Variants in NKX6-3 observed in about 807,000 individuals in gnomAD.
NKX6-3 encodes NK6 homeobox 3.
In NKX6-3, 17 loss-of-function variants were observed where a neutral mutation model predicts 22.0. That is an observed-to-expected ratio of 0.77 (90% CI 0.53 to 1.16). The LOEUF (loss-of-function observed/expected upper bound fraction) is 1.16. Among genes scored for constraint, NKX6-3 ranks in the 50% most tolerant of loss-of-function variants. The pLI is 0.00. For missense variants in NKX6-3, 363 were observed against 359.0 expected (o/e 1.01, Z -0.09); for synonymous variants, 177 against 167.2 (o/e 1.06, Z -0.45).
At chr8:41,649,155 C>A (rs1040009815) in intron 1 of NKX6-3, among the ~76,000 whole-genome samples, 10 of 152,134 alleles carry the variant, frequency 6.6e-5, no homozygotes, top group African/African-American at 2.2e-4. Flanking sequence ...GAGGCCTTCA[C>A]CCCCAGGGGC....
intron 2 of NKX6-3, 97 bp from the exon 3 acceptor site, chr8:41,646,791 A>C: frequency 6.9e-7 from 1 of 1,444,286 alleles, no homozygotes; most frequent in Non-Finnish European, 9.2e-7. Context: ...TGGCTCAACA[A>C]CGGAGTGACT....
At position 41,646,264 on chromosome 8, in the gene NKX6-3, TTCC is replaced by T; in HGVS notation, c.*182_*184del. The T allele has an allele frequency of 2.6e-6, 2 of 768,256 alleles. No homozygotes were observed. The highest frequency in any genetic ancestry group is 1.9e-5 in the South Asian group (1 of 53,990). 47.6% of individuals were successfully genotyped at this position (768,256 alleles called of 1,614,324 possible). ...GGATGCCTGTCCCCTTTCCCTCCTT[TTCC>T]TCCTCCTCCCCCGCCTCCCCTCCTC... On this transcript the variant is annotated 3_prime_UTR_variant, in exon 3 of 3. Transcript: ENST00000518699.
In NKX6-3 at chr8:41,646,356, G is replaced by T. The variant is rs1804199397; in HGVS notation, c.*93C>A. On this transcript the variant is annotated 3_prime_UTR_variant, in exon 3 of 3. Coordinates refer to ENST00000518699, the MANE Select transcript of NKX6-3 (RefSeq NM_001364841.2). Reference sequence around the variant, plus strand: ...ATCCAAAGAAAGACTCAGTCCCTGCGCCCCCAGGAGCGTGGGGAAGGGGAG... The same window carrying T: ...ATCCAAAGAAAGACTCAGTCCCTGCTCCCCCAGGAGCGTGGGGAAGGGGAG... 6.9e-7 allele frequency: 1 copy of T among 1,451,186 alleles called. No individual in the cohort carries two copies. The highest frequency in any genetic ancestry group is 9.2e-7 in the Non-Finnish European group (1 of 1,082,542). 89.9% of individuals were successfully genotyped at this position (1,451,186 alleles called of 1,614,324 possible).
Position 41,646,201 on chromosome 8 carries a change from T to G in NKX6-3, c.*248A>C. On this transcript the variant is annotated 3_prime_UTR_variant, in exon 3 of 3. Coordinates refer to ENST00000518699, the MANE Select transcript of NKX6-3 (RefSeq NM_001364841.2). ...GGCAGCGGCTTCCAGGTCTCAGGAG[T>G]GCTGTGCCTCCCTCCTGGCCTCCTC... The G allele has an allele frequency of 1.7e-6, 1 of 583,840 alleles. No homozygotes were observed. Among genetic ancestry groups the G allele is most frequent in the Non-Finnish European group, 3.0e-6 (1 of 333,482 alleles). The allele number at this position is 583,840 out of a possible 1,614,324, so 36.2% of individuals were successfully genotyped here.
At chr8:41,650,086 G>A (rs1277670135) in intron 1 of NKX6-3, 25 bp downstream of exon 1, 10 of 1,515,466 alleles carry the variant, frequency 6.6e-6, no homozygotes, top group Admixed American at 6.1e-5. Context: ...GTGCCGGGAG[G>A]TGGCTGGGGA....
Position 41,648,140 on chromosome 8 carries a change from G to A in NKX6-3, c.478C>T (p.Gln160Ter), listed in dbSNP as rs1307908410. ...QIFALEKTFE[Q>*]TKYLAGPERA... ...TCGGGGCCAGCCAAGTACTTGGTCTGCTCAAAGGTTTTCTCCAGGGCAAAG... is the reference window on the plus strand; with the variant it reads ...TCGGGGCCAGCCAAGTACTTGGTCTACTCAAAGGTTTTCTCCAGGGCAAAG... The change falls in exon 2 of 3, where the codon CAG becomes TAG. Residue 160 changes from glutamine (Q) to a stop codon, truncating the protein, a stop_gained. Transcript: ENST00000518699. LOFTEE classifies it high-confidence loss of function. The A allele has an allele frequency of 1.3e-6, 2 of 1,538,482 alleles. No individual in the cohort carries two copies. The highest frequency in any genetic ancestry group is 1.2e-5 in the South Asian group (1 of 84,060).
chr8:41,646,072 G>A lies in NKX6-3; in HGVS notation c.*377C>T, dbSNP rs1804193634. On this transcript the variant is annotated 3_prime_UTR_variant, in exon 3 of 3. Coordinates refer to ENST00000518699, the MANE Select transcript of NKX6-3 (RefSeq NM_001364841.2). ...ACAGCTGGATCACAGTGGCATGTCTGGGACCCCACAGCCAGTTTCTTGGCT... is the reference window on the plus strand; with the variant it reads ...ACAGCTGGATCACAGTGGCATGTCTAGGACCCCACAGCCAGTTTCTTGGCT... The A allele has an allele frequency of 3.7e-6, 1 of 268,104 alleles. No individual in the cohort carries two copies. The highest frequency in any genetic ancestry group is 7.0e-6 in the Non-Finnish European group (1 of 142,928). The allele number at this position is 268,104 out of a possible 1,614,324, so 16.6% of individuals were successfully genotyped here.
intron 1 of NKX6-3, 81 bp downstream of exon 1, chr8:41,650,030 C>T: frequency 7.0e-7 from 1 of 1,427,670 alleles, no homozygotes; most frequent in East Asian, 2.5e-5. Context: ...TGCAGGGTGC[C>T]CGGGAGGAGG....
chr8:41,646,455 G>T lies in NKX6-3; in HGVS notation c.792C>A (p.Ser264Arg). 1.3e-6 allele frequency: 2 copies of T among 1,597,480 alleles called. No homozygotes were observed. The highest frequency in any genetic ancestry group is 1.7e-5 in the Admixed American group (1 of 58,236). Reference sequence around the variant, plus strand: ...CGGGCCTGGACGGCGGGCGTCAGACGCTGTGCGCTCCCAGGCTGAGCACCG... The same window carrying T: ...CGGGCCTGGACGGCGGGCGTCAGACTCTGTGCGCTCCCAGGCTGAGCACCG... The part of the protein sequence containing the change: ...AFSVLSLGAH[S>R]V Residue 264 changes from serine to arginine, a missense_variant, in exon 3 of 3, where the codon AGC (serine) becomes AGA (arginine). Ser to Arg is a moderately radical substitution (Grantham distance 110). This residue lies in a region of NKX6-3 where 169 missense variants were observed against 155.8 expected (regional missense o/e 1.08). Coordinates refer to ENST00000518699, the MANE Select transcript of NKX6-3 (RefSeq NM_001364841.2).
At position 41,647,263 on chromosome 8, in the gene NKX6-3, G is replaced by A. The variant is rs749716661; in HGVS notation, c.553-569C>T. The A allele has an allele frequency of 1.6e-5, 26 of 1,610,026 alleles. No individual in the cohort carries two copies. The South Asian group carries it at 2.2e-4, about 14-fold the overall frequency. On this transcript the variant is annotated intron_variant, in intron 2 of 2. Coordinates refer to ENST00000518699, the MANE Select transcript of NKX6-3 (RefSeq NM_001364841.2). The stretch of plus-strand genomic sequence containing the variant: ...AGCTCTCGCCCCAGGGCAGCTGAGC[G>A]GCTGATGAGGAGGGCGCAGCGGGTT...
chr8:41,650,411 G>T lies in NKX6-3; in HGVS notation c.82C>A (p.Gln28Lys). 6.5e-7 allele frequency: 1 copy of T among 1,535,680 alleles called. No individual in the cohort carries two copies. The highest frequency in any genetic ancestry group is 1.2e-5 in the South Asian group (1 of 84,054). ...QFPEMKAPVC[Q>K]YSVQNSFYKL... is the part of the protein sequence containing the mutation. ...TAGAAGGAGTTCTGCACAGAGTACT[G>T]GCACACCGGGGCCTTCATCTCCGGA... Residue 28 changes from glutamine (Q) to lysine (K), a missense_variant, in exon 1 of 3, where the codon CAG (glutamine) becomes AAG (lysine). This residue lies in a region of NKX6-3 where 175 missense variants were observed against 160.9 expected (regional missense o/e 1.09). Transcript: ENST00000518699.
At chr8:41,649,235 T>A (rs1448287313) in intron 1 of NKX6-3, among the ~76,000 whole-genome samples, 1 of 151,988 alleles carries the variant, frequency 6.6e-6, no homozygotes, top group Admixed American at 6.6e-5. Flanking sequence ...GAGTAGCAAA[T>A]GGGGGGACAG....
At position 41,650,270 on chromosome 8, in the gene NKX6-3, G is replaced by C. The variant is rs911548872; in HGVS notation, c.223C>G (p.Pro75Ala). 6.5e-7 allele frequency: 1 copy of C among 1,533,944 alleles called. No individual in the cohort carries two copies. The highest frequency in any genetic ancestry group is 2.0e-5 in the Admixed American group (1 of 50,734). Residue 75 changes from proline to alanine, a missense_variant, in exon 1 of 3, where the codon CCC becomes GCC. This residue lies in a region of NKX6-3 where 175 missense variants were observed against 160.9 expected (regional missense o/e 1.09). Coordinates refer to ENST00000518699, the MANE Select transcript of NKX6-3 (RefSeq NM_001364841.2). Reference protein sequence around the residue: ...APNNSLLSGYPHVAGFGGLSS... With the variant: ...APNNSLLSGYAHVAGFGGLSS... ...AGCCCCCCAAAGCCTGCCACGTGGG[G>C]GTAGCCGGAGAGGAGGCTGTTGTTC...
intron 2 of NKX6-3, chr8:41,647,336 G>T: frequency 2.5e-6 from 4 of 1,572,794 alleles, no homozygotes; most frequent in Non-Finnish European, 1.7e-6. Flanking sequence ...AGACCCAGGT[G>T]CCAGCTGCCC....
At position 41,646,105 on chromosome 8, in the gene NKX6-3, C is replaced by T; in HGVS notation, c.*344G>A. 1 of 350,792 alleles carries T rather than the reference C, an allele frequency of 2.9e-6. No individual in the cohort carries two copies. The highest frequency in any genetic ancestry group is 5.9e-5 in the East Asian group (1 of 16,866). 21.7% of individuals were successfully genotyped at this position (350,792 alleles called of 1,614,324 possible). ...ACAGCCAGTTTCTTGGCTGCAGAGC[C>T]TGGTCATTTTAGTCCTCTGTCCACT... On this transcript the variant is annotated 3_prime_UTR_variant, in exon 3 of 3. Coordinates refer to ENST00000518699, the MANE Select transcript of NKX6-3 (RefSeq NM_001364841.2).
In NKX6-3 at chr8:41,645,473, C is replaced by A. The variant is rs1804180360; in HGVS notation, c.*976G>T. 6.6e-6 allele frequency: 1 copy of A among 152,316 alleles called. No individual in the cohort carries two copies. Among genetic ancestry groups the A allele is most frequent in the African/African-American group, 2.4e-5 (1 of 41,468 alleles). 9.4% of individuals were successfully genotyped at this position (152,316 alleles called of 1,614,324 possible). A position where few individuals can be genotyped will look rare whatever the true frequency, so the allele number is the denominator to read the frequency against. On this transcript the variant is annotated 3_prime_UTR_variant, in exon 3 of 3. Transcript: ENST00000518699. ...CCCCTTCCTGGCATCCTCCACCCAG[C>A]CGGAGGGGCTGTCCTTCTCCCTTCC...
chr8:41,647,454 G>T, intron 2 of NKX6-3: 1 of 1,263,524 alleles, frequency 7.9e-7, no homozygotes, highest in Non-Finnish European at 1.1e-6. Context: ...GGTCTATTTA[G>T]GGGGCATTTG....
chr8:41,650,349 G>A lies in NKX6-3; in HGVS notation c.144C>T (p.Ala48=), dbSNP rs979536785. 3 of 1,534,872 alleles carry A rather than the reference G, an allele frequency of 2.0e-6. No individual in the cohort carries two copies. Among genetic ancestry groups the A allele is most frequent in the Non-Finnish European group, 2.6e-6 (3 of 1,146,236 alleles). ...CCGTGATCCCGTGGGGGGTTCCGGC[G>A]GCCAGCTGGGGGCCCAGCCCTGGGG... The part of the protein sequence containing the change: ...LSPPGLGPQL[A]AGTPHGITDI... Residue 48 remains alanine (A), a synonymous_variant, in exon 1 of 3, where the codon GCC becomes GCT. Transcript: ENST00000518699.
chr8:41,649,955 T>A (rs12550546), intron 1 of NKX6-3, among the ~76,000 whole-genome samples, 156 bp downstream of exon 1: 29,107 of 152,030 alleles, frequency 0.19, 2,954 homozygotes, highest in Middle Eastern at 0.3. Flanking sequence ...AGGGTGGAAC[T>A]CAGCCTGCAC....
Sources: allele counts gnomAD v4.1 joint callset (sites outside exome capture counted in the v4.1 genomes callset), GRCh38; gene constraint gnomAD v4.1.1; regional missense constraint gnomAD v4.1.1; transcripts MANE v1.5; gene names NCBI Gene and HGNC (gene_info 2026-07-23, HGNC 2026-07-21).